B9D2: variants seen among roughly 807,000 people sequenced by gnomAD.
The protein encoded by B9D2 is B9 domain-containing protein 2.
In B9D2, 21 loss-of-function variants were observed where a neutral mutation model predicts 19.2. That is an observed-to-expected ratio of 1.09 (90% CI 0.78 to 1.58). The LOEUF (loss-of-function observed/expected upper bound fraction) is 1.58, where lower values mean the gene tolerates loss of function less well. B9D2 is among the 40% of genes most tolerant of loss of function. The pLI is 0.00. For missense variants in B9D2, 221 were observed against 244.3 expected (o/e 0.90, Z 0.64); for synonymous variants, 91 against 100.6 (o/e 0.90, Z 0.57).
In B9D2 at chr19:41,360,654, CGCCGCCATGCCCA is replaced by C. The variant is rs200781927; in HGVS notation, c.89-2645_89-2633del. Among the ~76,000 whole-genome samples the C allele has an allele frequency of 6.7e-3, 1,013 of 152,134 alleles. 7 individuals are homozygous for C. Among genetic ancestry groups the C allele is most frequent in the African/African-American group, 0.021 (882 of 41,486 alleles). On this transcript the variant is annotated intron_variant, in intron 2 of 3. Transcript: ENST00000243578. Reference sequence around the variant, plus strand: ...TCGAGTAGCTGGGATTACAGGCACACGCCGCCATGCCCAGCTAATTTTTTTTGTATTTTTAGTA... The same window carrying C: ...TCGAGTAGCTGGGATTACAGGCACACGCTAATTTTTTTTGTATTTTTAGTA...
Position 41,355,087 on chromosome 19 carries a change from T to TA in B9D2, c.215-75dup, listed in dbSNP as rs1330132733. 2.9e-6 allele frequency: 4 copies of TA among 1,383,510 alleles called. No individual in the cohort carries two copies. The African/African-American group carries it at 5.8e-5, about 20-fold the overall frequency. 85.7% of individuals were successfully genotyped at this position (1,383,510 alleles called of 1,614,324 possible). A position where few individuals can be genotyped will look rare whatever the true frequency, so the allele number is the denominator to read the frequency against. The stretch of plus-strand genomic sequence containing the variant: ...CTCCTGCTGATTCCCCACTCCCTGA[T>TA]ACTCACTGGAGACCCCAGGCCCAGT... On this transcript the variant is annotated intron_variant, in intron 3 of 3. Coordinates refer to ENST00000243578, the MANE Select transcript of B9D2 (RefSeq NM_030578.4).
At chr19:41,360,608 C>T (rs1017462294) in intron 2 of B9D2, among the ~76,000 whole-genome samples, 3 of 152,076 alleles carry the variant, frequency 2.0e-5, no homozygotes, top group Non-Finnish European at 2.9e-5. Flanking sequence ...TGGGTTCAAG[C>T]GATTCTCCTG....
At chr19:41,363,790 C>T (rs1376224062) in intron 1 of B9D2, among the ~76,000 whole-genome samples, 168 bp downstream of exon 1, 2 of 152,242 alleles carry the variant, frequency 1.3e-5, no homozygotes, top group African/African-American at 2.4e-5. Flanking sequence ...CGGCGGAAAG[C>T]CCCGCCCGAA....
chr19:41,357,934 G>T lies in B9D2; in HGVS notation c.177C>A (p.His59Gln). ...PQIGDMAYWS[H>Q]PIDLHFATKG... The stretch of plus-strand genomic sequence containing the variant: ...TGGTGGCGAAGTGCAGGTCGATGGG[G>T]TGGGACCAGTAAGCCATGTCCCCTA... The change falls in exon 3 of 4, where the codon CAC (histidine) becomes CAA (glutamine). Residue 59 changes from histidine to glutamine, a missense_variant. Coordinates refer to ENST00000243578, the MANE Select transcript of B9D2 (RefSeq NM_030578.4). 1 of 1,614,160 alleles carries T rather than the reference G, an allele frequency of 6.2e-7. No homozygotes were observed. Among genetic ancestry groups the T allele is most frequent in the Non-Finnish European group, 8.5e-7 (1 of 1,180,026 alleles).
chr19:41,359,064 G>A (rs550929465), intron 2 of B9D2, among the ~76,000 whole-genome samples: 1 of 152,186 alleles, frequency 6.6e-6, no homozygotes, highest in East Asian at 1.9e-4. Context: ...AGAATCGCTG[G>A]AAAAGCTGCA....
chr19:41,363,955 T>G lies in B9D2; in HGVS notation c.-5+3A>C, dbSNP rs998757206. 2 of 312,878 alleles carry G rather than the reference T, an allele frequency of 6.4e-6. No homozygotes were observed. Among genetic ancestry groups the G allele is most frequent in the African/African-American group, 4.3e-5 (2 of 46,058 alleles). The allele number at this position is 312,878 out of a possible 1,614,324, so 19.4% of individuals were successfully genotyped here. ...CTAAGCGCAGCGCATGCGTCATTCC[T>G]ACCTTAGCGCACTTAACGGTTAGGA... On this transcript the variant is annotated splice_donor_region_variant and intron_variant, in intron 1 of 3. Transcript: ENST00000243578.
intron 2 of B9D2, chr19:41,363,176 T>G: frequency 3.9e-6 from 2 of 510,224 alleles, no homozygotes; most frequent in South Asian, 2.1e-5. Context: ...AGCCCGAGAG[T>G]TCGAGGCTGC....
rs1411144950 is a variant in B9D2 at position 41,361,892 on chromosome 19, C to T, written c.88+1540G>A. On this transcript the variant is annotated intron_variant, in intron 2 of 3. Transcript: ENST00000243578. ...GCCAGGAGTTCAAGACCAGCCTGGCCGACATGGTGAAACCCCATCTCTACT... is the reference window on the plus strand; with the variant it reads ...GCCAGGAGTTCAAGACCAGCCTGGCTGACATGGTGAAACCCCATCTCTACT... 1.4e-4 allele frequency among the ~76,000 whole-genome samples: 9 copies of T among 62,672 alleles called. 2 individuals carry two copies. The highest frequency in any genetic ancestry group is 2.7e-4 in the African/African-American group (4 of 14,912). 41.1% of individuals were successfully genotyped at this position (62,672 alleles called of 152,430 possible).
chr19:41,362,078 C>CAA lies in B9D2; in HGVS notation c.88+1352_88+1353dup, dbSNP rs940435937. On this transcript the variant is annotated intron_variant, in intron 2 of 3. Coordinates refer to ENST00000243578, the MANE Select transcript of B9D2 (RefSeq NM_030578.4). ...TTGGCTACAGAGTGAGACTCTGTCT[C>CAA]AAAAAAAAAAAAAAAAAAAAAAGGG... 3.1e-3 allele frequency among the ~76,000 whole-genome samples: 143 copies of CAA among 45,814 alleles called. 1 individual carries two copies. The highest frequency in any genetic ancestry group is 8.6e-3 in the South Asian group (10 of 1,160). 30.1% of individuals were successfully genotyped at this position (45,814 alleles called of 152,430 possible). A position where few individuals can be genotyped will look rare whatever the true frequency, so the allele number is the denominator to read the frequency against.
rs776381473 is a variant in B9D2, at chr19:41,354,812, G to C, written c.416C>G (p.Thr139Ser). Residue 139 changes from threonine (T) to serine (S), a missense_variant, in exon 4 of 4, where the codon ACC (threonine) becomes AGC (serine). Physicochemically the swap from Thr to Ser is moderately conservative, Grantham distance 58. Transcript: ENST00000243578. ...ATAGCGGTCGGCCCCACTGTAGATG[G>C]TGTCCCCATGCAGCAGCTGCGGCCC... ...GGGPQLLHGDTIYSGADRYRL... is the reference protein window; with the variant it reads ...GGGPQLLHGDSIYSGADRYRL... 41 of 1,613,938 alleles carry C rather than the reference G, an allele frequency of 2.5e-5. No homozygotes were observed. In the South Asian group the frequency reaches 4.4e-4, roughly 17 times the overall value.
At chr19:41,356,588 A>G (rs2038316905) in intron 3 of B9D2, among the ~76,000 whole-genome samples, 1 of 152,040 alleles carries the variant, frequency 6.6e-6, no homozygotes. Context: ...TCATGCCTGT[A>G]ATCCCAGCAC....
chr19:41,363,290 TG>T, intron 2 of B9D2, 141 bp downstream of exon 2: 1 of 815,630 alleles, frequency 1.2e-6, no homozygotes, highest in Non-Finnish European at 2.1e-6. Flanking sequence ...GAGACTCATG[TG>T]GACAGGGTGT....
At position 41,354,714 on chromosome 19, in the gene B9D2, C is replaced by T. The variant is rs368915262; in HGVS notation, c.514G>A (p.Gly172Ser). The T allele has an allele frequency of 8.7e-6, 14 of 1,614,000 alleles. No individual in the cohort carries two copies. Among genetic ancestry groups the T allele is most frequent in the South Asian group, 2.2e-5 (2 of 91,090 alleles). The change falls in exon 4 of 4, where the codon GGC (glycine) becomes AGC (serine). Residue 172 changes from glycine to serine, a missense_variant. By Grantham distance (56) the Gly-to-Ser change is moderately conservative (BLOSUM62 0). Coordinates refer to ENST00000243578, the MANE Select transcript of B9D2 (RefSeq NM_030578.4). ...GGCAGAGTCCCTCAGCACTCCACGCCGTAGCGGTCGAAGTTGCGGAGCAGC... is the reference window on the plus strand; with the variant it reads ...GGCAGAGTCCCTCAGCACTCCACGCTGTAGCGGTCGAAGTTGCGGAGCAGC... ...GLLLRNFDRY[G>S]VEC
In B9D2 at chr19:41,354,687, G is replaced by GAGGC. The variant is rs748264337; in HGVS notation, c.*9_*12dup. ...CGGGGTGTGGATGGTGGTGACGTTG[G>GAGGC]AGGCAGAGTCCCTCAGCACTCCACG... On this transcript the variant is annotated 3_prime_UTR_variant, in exon 4 of 4. Transcript: ENST00000243578. 28 of 1,613,882 alleles carry GAGGC rather than the reference G, an allele frequency of 1.7e-5. No homozygotes were observed. Among genetic ancestry groups the GAGGC allele is most frequent in the Non-Finnish European group, 2.0e-5 (24 of 1,180,012 alleles).
At chr19:41,355,383 C>T (rs2038296724) in intron 3 of B9D2, among the ~76,000 whole-genome samples, 1 of 152,132 alleles carries the variant, frequency 6.6e-6, no homozygotes, top group African/African-American at 2.4e-5. Flanking sequence ...ATTGCTCCTC[C>T]AGTCCCCAGG....
chr19:41,355,991 G>A (rs1463692888), intron 3 of B9D2, among the ~76,000 whole-genome samples: 1 of 152,164 alleles, frequency 6.6e-6, no homozygotes, highest in Admixed American at 6.5e-5. Context: ...CTGTCTGGTG[G>A]GGACAGTATG....
chr19:41,362,078 CAAAA>C (rs940435937), intron 2 of B9D2, among the ~76,000 whole-genome samples: 9 of 46,040 alleles, frequency 2.0e-4, no homozygotes, highest in African/African-American at 6.5e-4. Context: ...GACTCTGTCT[CAAAA>C]AAAAAAAAAA....
chr19:41,354,720 G>C lies in B9D2; in HGVS notation c.508C>G (p.Arg170Gly), dbSNP rs371315485. 1.9e-6 allele frequency: 3 copies of C among 1,614,010 alleles called. No individual in the cohort carries two copies. The highest frequency in any genetic ancestry group is 2.2e-5 in the East Asian group (1 of 44,884). Residue 170 changes from arginine (R) to glycine (G), a missense_variant, in exon 4 of 4, where the codon CGC becomes GGC. By Grantham distance (125) the Arg-to-Gly change is moderately radical. Transcript: ENST00000243578. Reference protein sequence around the residue: ...EIGLLLRNFDRYGVEC With the variant: ...EIGLLLRNFDGYGVEC ...GTCCCTCAGCACTCCACGCCGTAGC[G>C]GTCGAAGTTGCGGAGCAGCAGGCCG...
intron 2 of B9D2, among the ~76,000 whole-genome samples, chr19:41,362,334 C>T (rs1265021245): frequency 3.0e-5 from 4 of 132,522 alleles, no homozygotes; most frequent in Non-Finnish European, 6.2e-5. Flanking sequence ...AGCTAGATTG[C>T]ACCACTGCAC....
Sources: allele counts gnomAD v4.1 joint callset (sites outside exome capture counted in the v4.1 genomes callset), GRCh38; gene constraint gnomAD v4.1.1; transcripts MANE v1.5; gene names NCBI Gene and HGNC (gene_info 2026-07-23, HGNC 2026-07-21).